The following NAALADL2 variants were observed in gnomAD, a reference collection of about 807,000 sequenced individuals.
NAALADL2 encodes the protein inactive N-acetylated-alpha-linked acidic dipeptidase-like protein 2.
Under a neutral mutation model 87.2 loss-of-function variants are expected in NAALADL2, and 76 were observed. The ratio of observed to expected loss-of-function variants is 0.87; its 90% CI spans 0.72 to 1.05. The LOEUF is 1.05. Among genes scored for constraint, NAALADL2 ranks in the 50% least tolerant of loss-of-function variants. The probability of loss-of-function intolerance (pLI) is 0.00; values close to 1 mark genes in which losing one functional copy is unlikely to be tolerated. For synonymous variants in NAALADL2, 354 were observed against 331.0 expected (o/e 1.07, Z -0.75); for missense variants, 1,089 against 945.8 (o/e 1.15, Z -1.99).
chr3:175,761,022 ATGAGCCAATCTTGATACAAAATTGG>A, intron 13 of NAALADL2, among the ~76,000 whole-genome samples: 1 of 152,344 alleles, frequency 6.6e-6, no homozygotes, highest in South Asian at 2.1e-4. Flanking sequence ...ATTTGTTACC[ATGAGCCAATCTTGATACAAAATTGG>A]TGAGCCAATA....
chr3:174,960,057 G>A (rs1402299861), intron 1 of NAALADL2, among the ~76,000 whole-genome samples: 1 of 152,022 alleles, frequency 6.6e-6, no homozygotes, highest in Non-Finnish European at 1.5e-5. Context: ...GTTGGCTGCA[G>A]ACCCCGTAGT....
intron 1 of NAALADL2, among the ~76,000 whole-genome samples, chr3:174,460,662 C>G (rs976688395): frequency 6.6e-6 from 1 of 151,346 alleles, no homozygotes; most frequent in Admixed American, 6.6e-5. Flanking sequence ...ATATAGAGAA[C>G]AGCTTAAGTA....
chr3:174,469,970 A>G (rs964371809), intron 1 of NAALADL2, among the ~76,000 whole-genome samples: 3 of 152,122 alleles, frequency 2.0e-5, no homozygotes, highest in Non-Finnish European at 4.4e-5. Flanking sequence ...TAGTACTTTG[A>G]AAGTTTTTTT....
intron 3 of NAALADL2, among the ~76,000 whole-genome samples, chr3:174,777,408 A>G: frequency 6.6e-6 from 1 of 152,266 alleles, no homozygotes; most frequent in African/African-American, 2.4e-5. Context: ...TATTTTAAAA[A>G]TGTATTTCTA....
At chr3:174,788,490 G>A (rs1390445113) in intron 3 of NAALADL2, among the ~76,000 whole-genome samples, 1 of 152,068 alleles carries the variant, frequency 6.6e-6, no homozygotes, top group Non-Finnish European at 1.5e-5. Context: ...TCTTTCCTTG[G>A]CTTGCAGATG....
intron 2 of NAALADL2, among the ~76,000 whole-genome samples, chr3:175,138,280 G>C (rs1438470965): frequency 2.0e-5 from 3 of 152,194 alleles, no homozygotes; most frequent in Non-Finnish European, 4.4e-5. Context: ...CCCAGCAGTT[G>C]AATCAATGCT....
intron 3 of NAALADL2, among the ~76,000 whole-genome samples, chr3:174,788,520 C>A (rs1009091664): frequency 2.6e-5 from 4 of 152,238 alleles, no homozygotes; most frequent in Admixed American, 1.3e-4. Flanking sequence ...TTGCTGTGTC[C>A]TCACATGGTC....
chr3:174,982,562 T>G (rs1225672316), intron 1 of NAALADL2, among the ~76,000 whole-genome samples: 1 of 152,242 alleles, frequency 6.6e-6, no homozygotes, highest in Admixed American at 6.5e-5. Flanking sequence ...CATTAATATC[T>G]GTATCTCCAT....
At chr3:175,147,590 TG>T (rs34061778) in intron 2 of NAALADL2, among the ~76,000 whole-genome samples, 132,780 of 151,850 alleles carry the variant, frequency 0.87, 58,100 homozygotes, top group East Asian at 0.92. Flanking sequence ...AGTTTATTTT[TG>T]GGGGGGGTAT....
At position 174,913,414 on chromosome 3, in the gene NAALADL2, T is replaced by G. The variant is rs188451031; in HGVS notation, c.43+53964T>G. On this transcript the variant is annotated intron_variant, in intron 1 of 13. Coordinates refer to ENST00000454872, the MANE Select transcript of NAALADL2 (RefSeq NM_207015.3). ...CTACACTGTGAAGGAAAAACCGTGT[T>G]TACTGTTAATTTGTCTTTTGTTGCT... Among the ~76,000 whole-genome samples, 22 of 152,222 alleles carry G rather than the reference T, an allele frequency of 1.4e-4. 1 individual carries two copies. The highest frequency in any genetic ancestry group is 1.0e-3 in the Admixed American group (16 of 15,272).
At position 174,529,130 on chromosome 3, in the gene NAALADL2, T is replaced by C. The variant is rs996867705; in HGVS notation, c.-183-21439T>C. On this transcript the variant is annotated intron_variant, in intron 1 of 3. Coordinates refer to the NAALADL2 transcript ENST00000434257. ...GTAAAATCAAAAGCAAATTAATTACTTCCTAGATACAATAGGAGTATAAGA... is the reference window on the plus strand; with the variant it reads ...GTAAAATCAAAAGCAAATTAATTACCTCCTAGATACAATAGGAGTATAAGA... Among the ~76,000 whole-genome samples the C allele has an allele frequency of 3.9e-5, 6 of 152,216 alleles. 1 individual carries two copies. The highest frequency in any genetic ancestry group is 8.8e-5 in the Non-Finnish European group (6 of 68,044).
At chr3:174,713,138 C>CT (rs1266377155) in intron 2 of NAALADL2, among the ~76,000 whole-genome samples, 3 of 152,136 alleles carry the variant, frequency 2.0e-5, no homozygotes, top group South Asian at 4.1e-4. Context: ...TAAACTCATC[C>CT]TTTTTTATGG....
intron 11 of NAALADL2, among the ~76,000 whole-genome samples, chr3:175,714,474 A>T (rs1647148371): frequency 6.6e-6 from 1 of 152,252 alleles, no homozygotes; most frequent in South Asian, 2.1e-4. Context: ...CATTTCTCTA[A>T]TGACCAGTGT....
intron 11 of NAALADL2, among the ~76,000 whole-genome samples, chr3:175,645,779 T>C (rs1729925946): frequency 6.6e-6 from 1 of 152,118 alleles, no homozygotes; most frequent in South Asian, 2.1e-4. Flanking sequence ...TAGTTTGAGA[T>C]AGAAAGCAAG....
In NAALADL2 at chr3:174,601,402, A is replaced by C. The variant is rs948259452; in HGVS notation, c.-115+50765A>C. 1.1e-4 allele frequency among the ~76,000 whole-genome samples: 17 copies of C among 152,226 alleles called. No homozygotes were observed. In the Middle Eastern group the frequency reaches 0.01, roughly 91 times the overall value. On this transcript the variant is annotated intron_variant, in intron 2 of 3. Coordinates refer to the NAALADL2 transcript ENST00000434257. ...ATTTCTCTGATGATTAGTGATGTTG[A>C]GCACCTCTTCATATACCTGTTTGCC...
At chr3:175,412,891 T>TTTATTA (rs58135076) in intron 5 of NAALADL2, among the ~76,000 whole-genome samples, 20,579 of 122,736 alleles carry the variant, frequency 0.17, 1,839 homozygotes, top group Middle Eastern at 0.27. Flanking sequence ...ATTTAATTTA[T>TTTATTA]TTATTATTAT....
At chr3:174,846,969 G>A (rs1441003265) in intron 3 of NAALADL2, among the ~76,000 whole-genome samples, 1 of 152,140 alleles carries the variant, frequency 6.6e-6, no homozygotes, top group African/African-American at 2.4e-5. Flanking sequence ...GAAATGGAAA[G>A]TTTAGGCGAT....
At chr3:175,088,023 T>G (rs1244265597) in intron 1 of NAALADL2, among the ~76,000 whole-genome samples, 3 of 152,188 alleles carry the variant, frequency 2.0e-5, no homozygotes, top group Non-Finnish European at 4.4e-5. Context: ...CATTACTGTA[T>G]TCCTACTACA....
At chr3:175,569,590 G>A (rs968432480) in intron 9 of NAALADL2, among the ~76,000 whole-genome samples, 1 of 152,030 alleles carries the variant, frequency 6.6e-6, no homozygotes, top group Non-Finnish European at 1.5e-5. Context: ...TGAAATTAAT[G>A]CCCTTATAAA....
Sources: allele counts gnomAD v4.1 joint callset (sites outside exome capture counted in the v4.1 genomes callset), GRCh38; gene constraint gnomAD v4.1.1; transcripts MANE v1.5; gene names NCBI Gene and HGNC (gene_info 2026-07-23, HGNC 2026-07-21).